The following VTI1A variants were observed in gnomAD, a reference collection of about 807,000 sequenced individuals.
VTI1A encodes the protein vesicle transport through interaction with t-SNAREs homolog 1A.
A neutral mutation model predicts 34.9 loss-of-function variants in VTI1A; 22 were observed. The observed-to-expected ratio is 0.63, with a 90% CI of 0.45 to 0.90. The LOEUF (loss-of-function observed/expected upper bound fraction) is 0.90. Among genes scored for constraint, VTI1A ranks in the 40% least tolerant of loss-of-function variants. The probability of loss-of-function intolerance (pLI) is 0.00; values close to 1 mark genes in which losing one functional copy is unlikely to be tolerated. For missense variants in VTI1A, 268 were observed against 275.6 expected (o/e 0.97, Z 0.20); for synonymous variants, 87 against 97.3 (o/e 0.89, Z 0.62).
rs10545562 is a variant in VTI1A, at chr10:112,634,514, T to TAC, written c.428-33671_428-33670dup. Among the ~76,000 whole-genome samples the TAC allele has an allele frequency of 6.0e-3, 870 of 144,298 alleles. 4 individuals carry two copies. The highest frequency in any genetic ancestry group is 0.014 in the African/African-American group (525 of 38,350). The allele number at this position is 144,298 out of a possible 152,430, so 94.7% of individuals were successfully genotyped here. On this transcript the variant is annotated intron_variant, in intron 5 of 7. Transcript: ENST00000393077. ...ACACACACACAGACACACACACACA[T>TAC]ACACACACACACACACACACACACA...
intron 3 of VTI1A, among the ~76,000 whole-genome samples, chr10:112,474,379 T>C (rs1447721072): frequency 6.6e-6 from 1 of 151,784 alleles, no homozygotes; most frequent in Non-Finnish European, 1.5e-5. Context: ...GAGAAAGTAC[T>C]ACTCTATTTA....
At chr10:112,691,101 A>G (rs535271195) in intron 7 of VTI1A, among the ~76,000 whole-genome samples, 2 of 151,996 alleles carry the variant, frequency 1.3e-5, no homozygotes, top group Admixed American at 1.3e-4. Flanking sequence ...TCTACTAAAA[A>G]TACAAAAAAA....
At chr10:112,721,891 C>G (rs1849820053) in intron 7 of VTI1A, among the ~76,000 whole-genome samples, 1 of 152,162 alleles carries the variant, frequency 6.6e-6, no homozygotes, top group African/African-American at 2.4e-5. Context: ...GACTGACCAT[C>G]TGGAAGGATC....
At chr10:112,501,501 TAAG>T (rs1304773987) in intron 3 of VTI1A, among the ~76,000 whole-genome samples, 8 of 152,244 alleles carry the variant, frequency 5.3e-5, no homozygotes, top group Middle Eastern at 3.4e-3. Flanking sequence ...ATGAAAGAAG[TAAG>T]AAAGTAGATA....
Position 112,712,474 on chromosome 10 carries a change from T to TCTCACA in VTI1A, c.560+43477_560+43478insTCACAC, listed in dbSNP as rs149858856. Among the ~76,000 whole-genome samples, 972 of 143,480 alleles carry TCTCACA rather than the reference T, an allele frequency of 6.8e-3. 14 individuals carry two copies. The highest frequency in any genetic ancestry group is 0.024 in the African/African-American group (915 of 38,046). 94.1% of individuals were successfully genotyped at this position (143,480 alleles called of 152,430 possible). On this transcript the variant is annotated intron_variant, in intron 7 of 7. Transcript: ENST00000393077. ...TACAGCTAAATGAGATCAACTATTATCACACACACACACACACACACACAC... is the reference window on the plus strand; with the variant it reads ...TACAGCTAAATGAGATCAACTATTATCTCACACACACACACACACACACACACACAC...
At chr10:112,464,892 T>C (rs1353972324) in intron 3 of VTI1A, 2 of 548,272 alleles carry the variant, frequency 3.6e-6, no homozygotes, top group African/African-American at 3.8e-5. Context: ...GCCCTTTGAG[T>C]CTGAATGGTA....
At chr10:112,616,561 A>C (rs1039647018) in intron 5 of VTI1A, among the ~76,000 whole-genome samples, 1 of 152,202 alleles carries the variant, frequency 6.6e-6, no homozygotes, top group Non-Finnish European at 1.5e-5. Flanking sequence ...CAAAGAAAAA[A>C]AAATGACCAT....
At chr10:112,672,910 G>A (rs536662853) in intron 7 of VTI1A, 2 of 152,252 alleles carry the variant, frequency 1.3e-5, no homozygotes, top group African/African-American at 2.4e-5. Flanking sequence ...AATGCCTCAG[G>A]AATGTAACAA....
chr10:112,558,099 C>T (rs1851596449), intron 5 of VTI1A, among the ~76,000 whole-genome samples: 1 of 152,146 alleles, frequency 6.6e-6, no homozygotes, highest in Non-Finnish European at 1.5e-5. Flanking sequence ...GACTTGCATT[C>T]TTCATTCCCC....
chr10:112,520,501 A>G (rs1272535223), intron 3 of VTI1A, among the ~76,000 whole-genome samples: 1 of 152,046 alleles, frequency 6.6e-6, no homozygotes, highest in Non-Finnish European at 1.5e-5. Context: ...TGTTTTGCAA[A>G]TCATTAAATG....
chr10:112,795,525 C>G (rs1852644729), intron 7 of VTI1A, among the ~76,000 whole-genome samples: 3 of 150,074 alleles, frequency 2.0e-5, no homozygotes, highest in African/African-American at 7.4e-5. Flanking sequence ...GCCTCTGCCT[C>G]CTGGGTTCAA....
intron 7 of VTI1A, among the ~76,000 whole-genome samples, chr10:112,709,742 A>G (rs531003151): frequency 1.6e-5 from 2 of 128,352 alleles, no homozygotes; most frequent in African/African-American, 6.3e-5. Flanking sequence ...CCAGGCTGGA[A>G]TGCAGTGGCG....
At chr10:112,520,124 A>T (rs1038910659) in intron 3 of VTI1A, among the ~76,000 whole-genome samples, 2 of 152,084 alleles carry the variant, frequency 1.3e-5, no homozygotes, top group African/African-American at 2.4e-5. Flanking sequence ...GATTATTTCA[A>T]GTAGAGTCTA....
intron 5 of VTI1A, among the ~76,000 whole-genome samples, chr10:112,572,652 C>T (rs916177212): frequency 5.3e-5 from 8 of 152,066 alleles, no homozygotes; most frequent in African/African-American, 1.9e-4. Flanking sequence ...TCTTGGCTAA[C>T]ACGGTGAAAC....
intron 5 of VTI1A, among the ~76,000 whole-genome samples, chr10:112,596,109 C>T (rs959603191): frequency 7.0e-5 from 10 of 143,390 alleles, no homozygotes; most frequent in Non-Finnish European, 1.2e-4. Flanking sequence ...GGGAATTGAA[C>T]AATGAGAACA....
intron 7 of VTI1A, among the ~76,000 whole-genome samples, chr10:112,776,889 G>T: frequency 6.6e-6 from 1 of 152,008 alleles, no homozygotes; most frequent in East Asian, 1.9e-4. Flanking sequence ...TGTTGGCCAG[G>T]CTGGTCTTGA....
intron 5 of VTI1A, among the ~76,000 whole-genome samples, chr10:112,611,992 C>T (rs966621569): frequency 2.0e-5 from 3 of 152,142 alleles, no homozygotes; most frequent in Middle Eastern, 3.4e-3. Flanking sequence ...CCGCCCGCCT[C>T]GGCCTCCGAA....
intron 5 of VTI1A, among the ~76,000 whole-genome samples, chr10:112,551,998 C>T (rs1851378678): frequency 6.6e-6 from 1 of 152,086 alleles, no homozygotes; most frequent in African/African-American, 2.4e-5. Context: ...CCCAATTAAC[C>T]CATTCATTAA....
chr10:112,495,320 AT>A (rs1220352764), intron 3 of VTI1A, among the ~76,000 whole-genome samples: 2 of 151,508 alleles, frequency 1.3e-5, no homozygotes, highest in Non-Finnish European at 2.9e-5. Flanking sequence ...CTGTACCTAA[AT>A]TCAATAACTG....
Sources: allele counts gnomAD v4.1 joint callset (sites outside exome capture counted in the v4.1 genomes callset), GRCh38; gene constraint gnomAD v4.1.1; transcripts MANE v1.5; gene names NCBI Gene and HGNC (gene_info 2026-07-23, HGNC 2026-07-21).